CMTM8: variants seen among roughly 807,000 people sequenced by gnomAD.
The protein encoded by CMTM8 is CKLF-like MARVEL transmembrane domain-containing protein 8.
In CMTM8, 12 loss-of-function variants were observed where a neutral mutation model predicts 18.6. The ratio of observed to expected loss-of-function variants is 0.65; its 90% CI spans 0.41 to 1.05. The LOEUF is 1.05. CMTM8 is among the 50% of genes least tolerant of loss of function. The probability of loss-of-function intolerance (pLI) is 0.00; values close to 1 mark genes in which losing one functional copy is unlikely to be tolerated. For synonymous variants in CMTM8, 87 were observed against 90.6 expected (o/e 0.96, Z 0.23); for missense variants, 217 against 227.2 (o/e 0.95, Z 0.29).
intron 1 of CMTM8, among the ~76,000 whole-genome samples, chr3:32,316,120 G>A (rs751641038): frequency 1.2e-4 from 18 of 146,076 alleles, no homozygotes; most frequent in South Asian, 2.2e-4. Context: ...TCCGCCTCCC[G>A]GGATCACGCC....
chr3:32,287,784 A>G (rs960139116), intron 1 of CMTM8, among the ~76,000 whole-genome samples: 1 of 152,192 alleles, frequency 6.6e-6, no homozygotes, highest in African/African-American at 2.4e-5. Flanking sequence ...TGGAGATGGC[A>G]GAAGAGATAT....
intron 2 of CMTM8, among the ~76,000 whole-genome samples, chr3:32,362,549 G>C (rs561233952): frequency 6.6e-6 from 1 of 152,300 alleles, no homozygotes; most frequent in South Asian, 2.1e-4. Context: ...CCACAGTTGT[G>C]AACCTTGGAG....
chr3:32,318,915 A>G (rs1343795937), intron 1 of CMTM8, among the ~76,000 whole-genome samples: 6 of 151,338 alleles, frequency 4.0e-5, no homozygotes, highest in South Asian at 2.1e-4. Flanking sequence ...GTCCTTACCT[A>G]TTCTTCTTTC....
intron 1 of CMTM8, among the ~76,000 whole-genome samples, chr3:32,281,845 T>C (rs1702614672): frequency 6.6e-6 from 1 of 151,764 alleles, no homozygotes. Context: ...TTTAAATATC[T>C]TATTTTCTTG....
intron 1 of CMTM8, among the ~76,000 whole-genome samples, chr3:32,347,762 T>C (rs1696628783): frequency 6.6e-6 from 1 of 152,178 alleles, no homozygotes; most frequent in Non-Finnish European, 1.5e-5. Flanking sequence ...TTTCTTATCT[T>C]CCTTATTGTC....
chr3:32,361,212 C>G (rs1338383108), intron 2 of CMTM8, among the ~76,000 whole-genome samples: 10 of 151,526 alleles, frequency 6.6e-5, no homozygotes, highest in Non-Finnish European at 1.5e-4. Context: ...AACTCCCCAA[C>G]TCAGGTGATC....
rs570125921 is a variant in CMTM8, at chr3:32,256,255, G to A, written c.147+17136G>A. ...ATAATTTTTTTTTATTTTTTGTAGA[G>A]ATAGGAGTCTCACTTTGTTGCCCAG... On this transcript the variant is annotated intron_variant, in intron 1 of 3. Coordinates refer to ENST00000307526, the MANE Select transcript of CMTM8 (RefSeq NM_178868.5). 1.7e-4 allele frequency among the ~76,000 whole-genome samples: 26 copies of A among 151,986 alleles called. No individual in the cohort carries two copies. The East Asian group carries it at 5.0e-3, about 29-fold the overall frequency.
At chr3:32,327,600 T>C (rs1051580994) in intron 1 of CMTM8, among the ~76,000 whole-genome samples, 1 of 152,208 alleles carries the variant, frequency 6.6e-6, no homozygotes, top group African/African-American at 2.4e-5. Context: ...ATTCAGCATA[T>C]AGGGCTTTCA....
At chr3:32,248,525 C>T (rs992888282) in intron 1 of CMTM8, among the ~76,000 whole-genome samples, 1 of 152,130 alleles carries the variant, frequency 6.6e-6, no homozygotes, top group Non-Finnish European at 1.5e-5. Flanking sequence ...CCACACCTGG[C>T]TAATTTTTGT....
In CMTM8 at chr3:32,345,983, C is replaced by T. The variant is rs139375768; in HGVS notation, c.148-11390C>T. ...CAGCCCAACCAACATGGTGAAACTCCGTCTCTACTAAAAATACAAAATTAG... is the reference window on the plus strand; with the variant it reads ...CAGCCCAACCAACATGGTGAAACTCTGTCTCTACTAAAAATACAAAATTAG... On this transcript the variant is annotated intron_variant, in intron 1 of 3. Coordinates refer to ENST00000307526, the MANE Select transcript of CMTM8 (RefSeq NM_178868.5). 3.7e-3 allele frequency among the ~76,000 whole-genome samples: 564 copies of T among 152,204 alleles called. 6 individuals carry two copies. The highest frequency in any genetic ancestry group is 0.012 in the African/African-American group (511 of 41,516).
intron 1 of CMTM8, among the ~76,000 whole-genome samples, chr3:32,319,074 AT>A (rs1177949113): frequency 1.6e-3 from 51 of 31,528 alleles, no homozygotes; most frequent in African/African-American, 5.0e-3. Flanking sequence ...ATATATATAT[AT>A]TTTTTTTTTT....
intron 1 of CMTM8, among the ~76,000 whole-genome samples, chr3:32,313,281 T>C (rs929954633): frequency 5.9e-5 from 9 of 152,180 alleles, no homozygotes; most frequent in Admixed American, 2.0e-4. Flanking sequence ...AATGTCCACC[T>C]GAGCACTGGG....
At chr3:32,259,947 A>G in intron 1 of CMTM8, 2 of 1,145,318 alleles carry the variant, frequency 1.7e-6, no homozygotes, top group Non-Finnish European at 2.6e-6. Context: ...CAGATAGAGC[A>G]GCTCAACGGG....
chr3:32,253,833 C>T (rs1428916361), intron 1 of CMTM8, among the ~76,000 whole-genome samples: 2 of 152,202 alleles, frequency 1.3e-5, no homozygotes, highest in Non-Finnish European at 2.9e-5. Context: ...CCACCTCAGC[C>T]TCCCAAGTAG....
chr3:32,304,159 G>A lies in CMTM8; in HGVS notation c.148-53214G>A, dbSNP rs6783561. On this transcript the variant is annotated intron_variant, in intron 1 of 3. Coordinates refer to ENST00000307526, the MANE Select transcript of CMTM8 (RefSeq NM_178868.5). ...TGCTGGCATGTATCTGGTTGTGATC[G>A]CATGATAATTGGTTGTACCAAAATC... Among the ~76,000 whole-genome samples the A allele has an allele frequency of 8.0e-3, 1,216 of 152,290 alleles. 21 individuals are homozygous for A. Among genetic ancestry groups the A allele is most frequent in the African/African-American group, 0.028 (1,155 of 41,554 alleles).
chr3:32,263,551 C>T (rs1364796575), intron 1 of CMTM8, among the ~76,000 whole-genome samples: 1 of 152,202 alleles, frequency 6.6e-6, no homozygotes, highest in African/African-American at 2.4e-5. Context: ...GCCTCTCCTC[C>T]TCCAAAGGAA....
At chr3:32,305,150 T>C (rs895906256) in intron 1 of CMTM8, among the ~76,000 whole-genome samples, 2 of 152,070 alleles carry the variant, frequency 1.3e-5, no homozygotes, top group Admixed American at 6.6e-5. Flanking sequence ...GTTGTGGCTT[T>C]ATGGACTCAA....
In CMTM8 at chr3:32,362,215, A is replaced by AT. The variant is rs1323767327; in HGVS notation, c.321+4676dup. ...ACCACCACGCCCAGCTAATTTTTGTATTTTTTTAGTAGAGACGGGGTTTCA... is the reference window on the plus strand; with the variant it reads ...ACCACCACGCCCAGCTAATTTTTGTATTTTTTTTAGTAGAGACGGGGTTTCA... On this transcript the variant is annotated intron_variant, in intron 2 of 3. Coordinates refer to ENST00000307526, the MANE Select transcript of CMTM8 (RefSeq NM_178868.5). 4.0e-5 allele frequency among the ~76,000 whole-genome samples: 6 copies of AT among 151,046 alleles called. No homozygotes were observed. In the East Asian group the frequency reaches 7.8e-4, roughly 20 times the overall value.
chr3:32,250,215 T>C (rs1702095207), intron 1 of CMTM8, among the ~76,000 whole-genome samples: 1 of 152,262 alleles, frequency 6.6e-6, no homozygotes, highest in Admixed American at 6.5e-5. Flanking sequence ...TTCTCAGTTA[T>C]ATTTGATTGA....
Sources: gnomAD v4.1 joint callset for allele counts (sites outside exome capture counted in the v4.1 genomes callset) on GRCh38, gnomAD v4.1.1 for gene constraint, MANE v1.5 for transcripts, NCBI Gene and HGNC (gene_info 2026-07-23, HGNC 2026-07-21) for gene names.